Variants in SH3KBP1 observed in about 807,000 individuals in gnomAD.
SH3KBP1 encodes the protein SH3 domain containing kinase binding protein 1.
SH3KBP1 carries 8 observed loss-of-function variants against 50.1 expected under a neutral mutation model. That is an observed-to-expected ratio of 0.16 (90% CI 0.09 to 0.29). The LOEUF is 0.29. Among genes scored for constraint, SH3KBP1 ranks in the 10% least tolerant of loss-of-function variants. SH3KBP1 has a pLI of 1.00. For missense variants in SH3KBP1, 377 were observed against 535.2 expected, an observed-to-expected ratio of 0.70 and a Z score of 2.92; for synonymous variants, 227 against 218.6, an observed-to-expected ratio of 1.04 and a Z score of -0.34.
intron 2 of SH3KBP1, among the ~76,000 whole-genome samples, chrX:19,780,286 G>T (rs1439940373): frequency 2.1e-5 from 2 of 97,030 alleles, no homozygotes; most frequent in African/African-American, 7.6e-5. Context: ...TTTTGATGGG[G>T]TTGTTTGTTT....
At chrX:19,802,245 A>G in intron 2 of SH3KBP1, among the ~76,000 whole-genome samples, 2 of 110,994 alleles carry the variant, frequency 1.8e-5, no homozygotes, top group Middle Eastern at 9.2e-3. Context: ...AAACACAAAA[A>G]TTAGCCAGTT....
intron 2 of SH3KBP1, among the ~76,000 whole-genome samples, chrX:19,815,857 G>C (rs1315477800): frequency 8.9e-6 from 1 of 112,296 alleles, no homozygotes; most frequent in Non-Finnish European, 1.9e-5. Flanking sequence ...TTGCTGAGTA[G>C]TATTCCATGG....
chrX:19,583,160 TTATTA>T (rs1457269156), intron 12 of SH3KBP1, among the ~76,000 whole-genome samples: 7 of 96,127 alleles, frequency 7.3e-5, no homozygotes, highest in African/African-American at 2.8e-4. Flanking sequence ...ATTATTATTA[TTATTA>T]TTTTTGAGAC....
intron 4 of SH3KBP1, among the ~76,000 whole-genome samples, chrX:19,705,887 T>C (rs991150211): frequency 1.8e-5 from 2 of 112,153 alleles, no homozygotes; most frequent in Non-Finnish European, 3.8e-5. Context: ...GCATGTAACT[T>C]AGCAATCTTA....
intron 1 of SH3KBP1, among the ~76,000 whole-genome samples, chrX:19,844,949 G>A (rs924528896): frequency 4.5e-5 from 5 of 110,764 alleles, no homozygotes; most frequent in African/African-American, 1.3e-4. Flanking sequence ...GCGTGGTGGC[G>A]GGAGCCTGTA....
chrX:19,569,944 G>A (rs1485259898), intron 12 of SH3KBP1, among the ~76,000 whole-genome samples: 1 of 112,005 alleles, frequency 8.9e-6, no homozygotes, highest in Non-Finnish European at 1.9e-5. Flanking sequence ...TTATCCAAGG[G>A]CTATGAGAGC....
At chrX:19,867,681 G>C (rs1199759850) in intron 1 of SH3KBP1, among the ~76,000 whole-genome samples, 4 of 111,079 alleles carry the variant, frequency 3.6e-5, no homozygotes, top group African/African-American at 1.3e-4. Flanking sequence ...AATGAAAAGG[G>C]GCCGAGGATG....
At position 19,638,519 on chromosome X, in the gene SH3KBP1, C is replaced by G. The variant is rs773022025; in HGVS notation, c.803-6561G>C. 2.9e-4 allele frequency among the ~76,000 whole-genome samples: 32 copies of G among 111,658 alleles called. No individual in the cohort carries two copies. In the South Asian group the frequency reaches 7.5e-3, roughly 26 times the overall value. ...AAAATAGATCAACTGGGCCCCACCC[C>G]CAGGGGTTCTGATTCTGTAGGGCTG... On this transcript the variant is annotated intron_variant, in intron 7 of 17. Coordinates refer to ENST00000397821, the MANE Select transcript of SH3KBP1 (RefSeq NM_031892.3).
intron 2 of SH3KBP1, among the ~76,000 whole-genome samples, chrX:19,769,318 G>C (rs1376706458): frequency 9.2e-6 from 1 of 108,225 alleles, no homozygotes; most frequent in Non-Finnish European, 1.9e-5. Context: ...TGCCCAGGCT[G>C]GTCTTGAACT....
chrX:19,752,257 G>A (rs931693688), intron 2 of SH3KBP1, among the ~76,000 whole-genome samples: 7 of 111,821 alleles, frequency 6.3e-5, no homozygotes, highest in Non-Finnish European at 1.1e-4. Flanking sequence ...GACCTTGGGG[G>A]CAACACTTAA....
At chrX:19,560,191 A>G (rs936329759) in intron 13 of SH3KBP1, among the ~76,000 whole-genome samples, 2 of 103,131 alleles carry the variant, frequency 1.9e-5, no homozygotes, top group Non-Finnish European at 3.9e-5. Flanking sequence ...TAGCCAGCAA[A>G]TCATTTAAAA....
intron 1 of SH3KBP1, among the ~76,000 whole-genome samples, chrX:19,876,047 G>A (rs1263861439): frequency 8.9e-6 from 1 of 112,192 alleles, no homozygotes; most frequent in Non-Finnish European, 1.9e-5. Context: ...TGGGAAGACT[G>A]TTCCTGAGTT....
At chrX:19,792,670 T>C (rs1175278789) in intron 2 of SH3KBP1, among the ~76,000 whole-genome samples, 1 of 108,836 alleles carries the variant, frequency 9.2e-6, no homozygotes. Flanking sequence ...ATGTGGCTAT[T>C]ATGTTAGGCC....
At chrX:19,849,325 G>A (rs1265958053) in intron 1 of SH3KBP1, among the ~76,000 whole-genome samples, 2 of 111,505 alleles carry the variant, frequency 1.8e-5, no homozygotes, top group South Asian at 3.7e-4. Context: ...CTGTAGGACT[G>A]TAGGCAAATG....
chrX:19,707,344 T>A (rs989918695), intron 3 of SH3KBP1, among the ~76,000 whole-genome samples: 1 of 112,122 alleles, frequency 8.9e-6, no homozygotes, highest in African/African-American at 3.2e-5. Flanking sequence ...GCTGATGTGA[T>A]GTGGTAGAGA....
chrX:19,878,461 G>A (rs184144468), intron 1 of SH3KBP1, among the ~76,000 whole-genome samples: 10 of 93,684 alleles, frequency 1.1e-4, no homozygotes, highest in African/African-American at 4.1e-4. Flanking sequence ...GTGCCACCAC[G>A]CCTGGCTAAT....
chrX:19,569,315 G>A, intron 12 of SH3KBP1, 127 bp from the exon 13 acceptor site: 1 of 596,897 alleles, frequency 1.7e-6, no homozygotes, highest in Non-Finnish European at 2.8e-6. Flanking sequence ...GCCTGTGAGG[G>A]AGCCAGAGAA....
intron 8 of SH3KBP1, among the ~76,000 whole-genome samples, chrX:19,610,884 A>C (rs968087859): frequency 8.9e-6 from 1 of 111,919 alleles, no homozygotes; most frequent in East Asian, 2.8e-4. Flanking sequence ...TCAAAAAAAA[A>C]CTATCTTTTT....
At chrX:19,807,984 G>C (rs2067099999) in intron 2 of SH3KBP1, among the ~76,000 whole-genome samples, 1 of 111,784 alleles carries the variant, frequency 8.9e-6, no homozygotes, top group Non-Finnish European at 1.9e-5. Flanking sequence ...GAGGTTTGTT[G>C]TTCCTATGAA....
Sources: allele counts gnomAD v4.1 joint callset (sites outside exome capture counted in the v4.1 genomes callset), GRCh38; gene constraint gnomAD v4.1.1; transcripts MANE v1.5; gene names NCBI Gene and HGNC (gene_info 2026-07-23, HGNC 2026-07-21).